Variants in DAB1 observed in about 807,000 individuals in gnomAD.
DAB1 encodes the protein disabled homolog 1.
A neutral mutation model predicts 64.6 loss-of-function variants in DAB1; 15 were observed. The ratio of observed to expected loss-of-function variants is 0.23; its 90% CI spans 0.16 to 0.36. The LOEUF is 0.36. Among genes scored for constraint, DAB1 ranks in the 10% least tolerant of loss-of-function variants. The pLI, the probability that DAB1 is intolerant of heterozygous loss-of-function variation, is 1.00. For missense variants in DAB1, 596 were observed against 706.7 expected (o/e 0.84, Z 1.78); for synonymous variants, 235 against 251.9 (o/e 0.93, Z 0.64).
intron 7 of DAB1, among the ~76,000 whole-genome samples, chr1:57,557,286 C>T (rs894339728): frequency 6.6e-6 from 1 of 152,120 alleles, no homozygotes; most frequent in African/African-American, 2.4e-5. Context: ...GCTTCCTGTC[C>T]TTGAATATCA....
At chr1:58,331,168 G>A (rs1307989791) in intron 4 of DAB1, among the ~76,000 whole-genome samples, 1 of 152,156 alleles carries the variant, frequency 6.6e-6, no homozygotes, top group Non-Finnish European at 1.5e-5. Context: ...AACCCTTATG[G>A]ATGACTTTGA....
intron 4 of DAB1, among the ~76,000 whole-genome samples, chr1:58,253,568 G>A (rs1374831086): frequency 3.9e-5 from 6 of 152,198 alleles, no homozygotes; most frequent in Non-Finnish European, 7.3e-5. Flanking sequence ...AAATAGTTGG[G>A]CTGCCCTTGA....
intron 9 of DAB1, among the ~76,000 whole-genome samples, chr1:57,057,780 T>C (rs936437270): frequency 2.5e-5 from 1 of 40,284 alleles, no homozygotes; most frequent in Admixed American, 3.0e-4. Context: ...GCTAATTTTT[T>C]TGTATTTTTA....
At chr1:57,184,849 C>T (rs765096871) in intron 2 of DAB1, among the ~76,000 whole-genome samples, 9 of 152,140 alleles carry the variant, frequency 5.9e-5, no homozygotes, top group Non-Finnish European at 1.3e-4. Context: ...TCAAGGATGG[C>T]TTCTCCCCAA....
chr1:58,008,489 C>T (rs1257259133), intron 5 of DAB1, among the ~76,000 whole-genome samples: 1 of 151,966 alleles, frequency 6.6e-6, no homozygotes, highest in Non-Finnish European at 1.5e-5. Context: ...TAGCAATTAA[C>T]ATTAAAAAGG....
chr1:57,739,610 C>T (rs2101787674), intron 6 of DAB1, among the ~76,000 whole-genome samples: 1 of 150,952 alleles, frequency 6.6e-6, no homozygotes, highest in African/African-American at 2.4e-5. Flanking sequence ...TGCCACCATG[C>T]CCGGCTAATT....
chr1:57,408,192 CCATT>C (rs1287929928), intron 1 of DAB1, among the ~76,000 whole-genome samples: 91 of 152,270 alleles, frequency 6.0e-4, no homozygotes, highest in African/African-American at 2.1e-3. Flanking sequence ...CATCGTGTTT[CCATT>C]CATTCTCCCT....
At chr1:57,949,970 T>C (rs1446597417) in intron 5 of DAB1, among the ~76,000 whole-genome samples, 1 of 152,218 alleles carries the variant, frequency 6.6e-6, no homozygotes, top group Non-Finnish European at 1.5e-5. Flanking sequence ...GGTTACAGAC[T>C]ATCATGTTGT....
At chr1:58,013,198 A>G (rs1646693509) in intron 5 of DAB1, among the ~76,000 whole-genome samples, 1 of 152,206 alleles carries the variant, frequency 6.6e-6, no homozygotes, top group Non-Finnish European at 1.5e-5. Context: ...CTTTTGCTAA[A>G]TTAACCTGAC....
chr1:58,294,568 C>T (rs1661924673), intron 4 of DAB1, among the ~76,000 whole-genome samples: 1 of 152,116 alleles, frequency 6.6e-6, no homozygotes, highest in African/African-American at 2.4e-5. Flanking sequence ...GAGGAGCTTA[C>T]CATCTAGTCT....
At chr1:58,011,636 T>C (rs1646669612) in intron 5 of DAB1, among the ~76,000 whole-genome samples, 1 of 152,172 alleles carries the variant, frequency 6.6e-6, no homozygotes, top group Non-Finnish European at 1.5e-5. Context: ...AAAAACACAA[T>C]AGTTTATTTC....
Position 57,377,221 on chromosome 1 carries a change from G to A in DAB1, c.-137+46709C>T, listed in dbSNP as rs537050410. ...GGAGGTGGAGGTTGCAGTGAGCCTA[G>A]ATCATGCCACTGCACTCTAGCCTGG... On this transcript the variant is annotated intron_variant, in intron 1 of 14. Transcript: ENST00000371236. Among the ~76,000 whole-genome samples, 15 of 150,886 alleles carry A rather than the reference G, an allele frequency of 9.9e-5. No homozygotes were observed. In the South Asian group the frequency reaches 3.1e-3, roughly 32 times the overall value.
chr1:57,712,657 G>A (rs1355968716), intron 6 of DAB1, among the ~76,000 whole-genome samples: 1 of 152,132 alleles, frequency 6.6e-6, no homozygotes, highest in Non-Finnish European at 1.5e-5. Flanking sequence ...GGGTAATTGT[G>A]TACAACCCTG....
chr1:57,613,507 C>T (rs1282887693), intron 7 of DAB1, among the ~76,000 whole-genome samples: 1 of 152,112 alleles, frequency 6.6e-6, no homozygotes, highest in Non-Finnish European at 1.5e-5. Flanking sequence ...TTAGCTAGGG[C>T]CGATTAAGTA....
chr1:57,350,863 T>A (rs946346045), intron 1 of DAB1, among the ~76,000 whole-genome samples: 3 of 152,322 alleles, frequency 2.0e-5, no homozygotes, highest in Middle Eastern at 3.4e-3. Context: ...GATGAGTCTA[T>A]ATATCTGGCT....
chr1:57,793,444 G>C (rs1650697990), intron 6 of DAB1, among the ~76,000 whole-genome samples: 1 of 152,194 alleles, frequency 6.6e-6, no homozygotes, highest in Non-Finnish European at 1.5e-5. Flanking sequence ...AAGTCATGAA[G>C]AAGAGACAGT....
intron 5 of DAB1, among the ~76,000 whole-genome samples, chr1:57,996,045 G>A (rs1646420001): frequency 3.3e-5 from 5 of 152,108 alleles, no homozygotes; most frequent in Admixed American, 1.3e-4. Flanking sequence ...GATCACTTGA[G>A]GCCAGGAGTT....
chr1:57,566,169 A>G lies in DAB1; in HGVS notation n.625+83423T>C, dbSNP rs191420267. Among the ~76,000 whole-genome samples, 717 of 152,364 alleles carry G rather than the reference A, an allele frequency of 4.7e-3. 29 individuals are homozygous for G. The highest frequency in any genetic ancestry group is 0.043 in the Admixed American group (664 of 15,304). On this transcript the variant is annotated intron_variant and non_coding_transcript_variant, in intron 7 of 20. Transcript: ENST00000485760. Reference sequence around the variant, plus strand: ...TGGCAACTGAACAACATGCTCCTGAATGACTACTGGGTACATAACAAAATG... The same window carrying G: ...TGGCAACTGAACAACATGCTCCTGAGTGACTACTGGGTACATAACAAAATG...
chr1:57,795,692 TA>T (rs1377533447), intron 6 of DAB1, among the ~76,000 whole-genome samples: 7 of 20,538 alleles, frequency 3.4e-4, no homozygotes, highest in African/African-American at 1.2e-3. Flanking sequence ...TGCTTGGAGA[TA>T]TATATATATA....
Sources: allele counts gnomAD v4.1 joint callset (sites outside exome capture counted in the v4.1 genomes callset), GRCh38; gene constraint gnomAD v4.1.1; transcripts MANE v1.5; gene names NCBI Gene and HGNC (gene_info 2026-07-23, HGNC 2026-07-21).